Variants in PPFIBP1 observed in about 807,000 individuals in gnomAD.
The protein encoded by PPFIBP1 is PPFIB scaffold protein 1.
PPFIBP1 carries 112 observed loss-of-function variants against 137.8 expected under a neutral mutation model. The observed-to-expected ratio is 0.81, with a 90% CI of 0.70 to 0.95. PPFIBP1 has a LOEUF of 0.95. Among genes scored for constraint, PPFIBP1 ranks in the 40% least tolerant of loss-of-function variants. The pLI is 0.00. For synonymous variants in PPFIBP1, 378 were observed against 417.3 expected, an observed-to-expected ratio of 0.91 and a Z score of 1.15; for missense variants, 1,083 against 1,196.6, an observed-to-expected ratio of 0.91 and a Z score of 1.40.
intron 1 of PPFIBP1, among the ~76,000 whole-genome samples, chr12:27,532,427 G>A (rs1181566686): frequency 6.6e-6 from 1 of 151,116 alleles, no homozygotes; most frequent in East Asian, 1.9e-4. Flanking sequence ...AAGTGGGATG[G>A]CTTATGGGAG....
chr12:27,592,438 C>A, intron 2 of PPFIBP1: 1 of 828,306 alleles, frequency 1.2e-6, no homozygotes, highest in Non-Finnish European at 1.8e-6. Context: ...TTCAACTTTC[C>A]AAAAAGTTGA....
intron 13 of PPFIBP1, among the ~76,000 whole-genome samples, chr12:27,670,019 G>A (rs1254393442): frequency 6.6e-6 from 1 of 152,196 alleles, no homozygotes; most frequent in African/African-American, 2.4e-5. Context: ...TTGGCGTGTA[G>A]AAGGGTGTTC....
chr12:27,681,725 A>G, intron 22 of PPFIBP1, 29 bp downstream of exon 22: 1 of 1,611,176 alleles, frequency 6.2e-7, no homozygotes, highest in South Asian at 1.1e-5. Flanking sequence ...TGTTCACACA[A>G]TGGATACTGA....
intron 12 of PPFIBP1, 63 bp from the exon 13 acceptor site, chr12:27,667,103 T>C: frequency 2.8e-6 from 4 of 1,407,934 alleles, no homozygotes; most frequent in Non-Finnish European, 3.8e-6. Flanking sequence ...TCTTATCTTC[T>C]TGTAAAAGTG....
intron 2 of PPFIBP1, among the ~76,000 whole-genome samples, chr12:27,618,615 A>G (rs769737743): frequency 7.2e-5 from 11 of 152,130 alleles, no homozygotes; most frequent in African/African-American, 2.4e-4. Flanking sequence ...CCCTCCCCCA[A>G]ATTGTGCTCC....
intron 4 of PPFIBP1, among the ~76,000 whole-genome samples, chr12:27,639,670 AC>A (rs1565917920): frequency 1.3e-5 from 2 of 152,270 alleles, no homozygotes; most frequent in Non-Finnish European, 2.9e-5. Context: ...AGATAGGTAA[AC>A]AGGTGAAGTG....
chr12:27,691,810 A>G lies in PPFIBP1; in HGVS notation c.2747A>G (p.Glu916Gly). Reference sequence around the variant, plus strand: ...AGAAAGAAGAAACAGGAAGATGGTGAAGAATATGTTTGTCCAATGGAATTG... The same window carrying G: ...AGAAAGAAGAAACAGGAAGATGGTGGAGAATATGTTTGTCCAATGGAATTG... ...NLRKKKQEDG[E>G]EYVCPMELGQ... is the part of the protein sequence containing the mutation. The change falls in exon 28 of 30, where the codon GAA becomes GGA. Residue 916 changes from glutamate to glycine, a missense_variant. Transcript: ENST00000228425. 1 of 1,613,760 alleles carries G rather than the reference A, an allele frequency of 6.2e-7. No homozygotes were observed.
At chr12:27,674,278 T>G in intron 17 of PPFIBP1, 57 bp downstream of exon 17, 1 of 1,370,124 alleles carries the variant, frequency 7.3e-7, no homozygotes, top group Non-Finnish European at 1.0e-6. Flanking sequence ...TACATGTAAA[T>G]TGCTTAAATG....
At chr12:27,618,664 A>G (rs1282793815) in intron 2 of PPFIBP1, among the ~76,000 whole-genome samples, 1 of 152,150 alleles carries the variant, frequency 6.6e-6, no homozygotes, top group Admixed American at 6.5e-5. Context: ...ACATGTATCA[A>G]TTGATGCCTC....
intron 2 of PPFIBP1, among the ~76,000 whole-genome samples, chr12:27,614,019 T>C (rs2055462219): frequency 6.6e-6 from 1 of 152,154 alleles, no homozygotes; most frequent in South Asian, 2.1e-4. Context: ...TCCTATCTCC[T>C]GGTAAAATGG....
chr12:27,688,993 T>C (rs1243498183), intron 26 of PPFIBP1, 22 bp from the exon 27 acceptor site: 1 of 471,204 alleles, frequency 2.1e-6, no homozygotes, highest in East Asian at 9.0e-5. Flanking sequence ...TTTGACAAGC[T>C]TTTTTTTTTT....
At chr12:27,646,336 G>A (rs574866852) in intron 5 of PPFIBP1, 188 bp downstream of exon 5, 103 of 626,540 alleles carry the variant, frequency 1.6e-4, no homozygotes, top group Non-Finnish European at 2.6e-4. Context: ...CAGTTTAAAA[G>A]GAGCTACCAT....
intron 4 of PPFIBP1, among the ~76,000 whole-genome samples, chr12:27,643,574 G>T (rs1436266982): frequency 8.3e-6 from 1 of 120,094 alleles, no homozygotes; most frequent in Non-Finnish European, 1.7e-5. Flanking sequence ...AAGACGGTCC[G>T]TGCAGAAGGA....
At chr12:27,589,432 A>G (rs2052200137) in intron 2 of PPFIBP1, among the ~76,000 whole-genome samples, 1 of 152,194 alleles carries the variant, frequency 6.6e-6, no homozygotes, top group Admixed American at 6.5e-5. Context: ...GGCATGAGCC[A>G]CGGCACCTGG....
At chr12:27,540,685 T>C (rs1945555547) in intron 1 of PPFIBP1, among the ~76,000 whole-genome samples, 1 of 152,250 alleles carries the variant, frequency 6.6e-6, no homozygotes, top group Admixed American at 6.5e-5. Context: ...AAGCTTCTAC[T>C]AATTTTTGCT....
At chr12:27,549,055 G>A (rs1472541475) in intron 1 of PPFIBP1, 1 of 152,232 alleles carries the variant, frequency 6.6e-6, no homozygotes, top group East Asian at 1.9e-4. Context: ...GTCATTGGAT[G>A]TGAAGGGGAT....
At chr12:27,547,803 T>C (rs1481299723) in intron 1 of PPFIBP1, 4 of 152,246 alleles carry the variant, frequency 2.6e-5, no homozygotes, top group African/African-American at 9.7e-5. Context: ...GGTATCACTT[T>C]GGGTGAGGCT....
At position 27,692,543 on chromosome 12, in the gene PPFIBP1, C is replaced by G; in HGVS notation, c.2866-48C>G. On this transcript the variant is annotated intron_variant, in intron 28 of 29. Transcript: ENST00000228425. ...TTTTGTTCCTCCTGCTGCACTTTCCCTGAAATTGTGAAAACACTTATGTCA... is the reference window on the plus strand; with the variant it reads ...TTTTGTTCCTCCTGCTGCACTTTCCGTGAAATTGTGAAAACACTTATGTCA... 3 of 1,579,692 alleles carry G rather than the reference C, an allele frequency of 1.9e-6. No homozygotes were observed. The South Asian group carries it at 3.3e-5, about 18-fold the overall frequency.
chr12:27,529,522 C>T (rs546317908), intron 1 of PPFIBP1, among the ~76,000 whole-genome samples: 1 of 152,230 alleles, frequency 6.6e-6, no homozygotes, highest in African/African-American at 2.4e-5. Flanking sequence ...GGCAAAACCC[C>T]GTCTCTACTA....
Sources: allele counts gnomAD v4.1 joint callset (sites outside exome capture counted in the v4.1 genomes callset), GRCh38; gene constraint gnomAD v4.1.1; transcripts MANE v1.5; gene names NCBI Gene and HGNC (gene_info 2026-07-23, HGNC 2026-07-21).